The following UBE2E2 variants were observed in gnomAD, a reference collection of about 807,000 sequenced individuals.
UBE2E2 encodes the protein ubiquitin conjugating enzyme E2 E2.
Under a neutral mutation model 24.7 loss-of-function variants are expected in UBE2E2, and 6 were observed. The observed-to-expected ratio is 0.24, with a 90% CI of 0.13 to 0.48. The LOEUF (loss-of-function observed/expected upper bound fraction) is 0.48, where lower values mean the gene tolerates loss of function less well. Ranked by LOEUF, UBE2E2 falls within the 20% of genes least tolerant of loss-of-function variation. The probability of loss-of-function intolerance (pLI) is 0.99; values close to 1 mark genes in which losing one functional copy is unlikely to be tolerated. For missense variants in UBE2E2, 169 were observed against 245.0 expected (o/e 0.69, Z 2.07); for synonymous variants, 104 against 83.6 (o/e 1.24, Z -1.33).
chr3:23,562,416 A>G (rs569337372), intron 5 of UBE2E2, among the ~76,000 whole-genome samples: 1 of 152,236 alleles, frequency 6.6e-6, no homozygotes, highest in Non-Finnish European at 1.5e-5. Context: ...CCAGGAAAGA[A>G]GCCCACTTGA....
At chr3:23,444,214 G>C (rs1037736650) in intron 3 of UBE2E2, among the ~76,000 whole-genome samples, 1 of 151,936 alleles carries the variant, frequency 6.6e-6, no homozygotes, top group Non-Finnish European at 1.5e-5. Flanking sequence ...GCTGGCTATG[G>C]AAGCACCACG....
chr3:23,576,960 C>T (rs997321569), intron 5 of UBE2E2, among the ~76,000 whole-genome samples: 4 of 151,730 alleles, frequency 2.6e-5, no homozygotes, highest in African/African-American at 9.7e-5. Flanking sequence ...GTAGCAAGCC[C>T]GTGTCTGTCA....
intron 3 of UBE2E2, among the ~76,000 whole-genome samples, chr3:23,235,764 C>G (rs1056587605): frequency 6.6e-6 from 1 of 151,992 alleles, no homozygotes; most frequent in African/African-American, 2.4e-5. Context: ...GGGTTTGAGT[C>G]TGTTGGGGAA....
At chr3:23,542,052 A>G (rs1695406145) in intron 5 of UBE2E2, among the ~76,000 whole-genome samples, 1 of 152,236 alleles carries the variant, frequency 6.6e-6, no homozygotes, top group Non-Finnish European at 1.5e-5. Flanking sequence ...GGATGCCAGC[A>G]TTATATTTTT....
chr3:23,425,339 T>C (rs1697900779), intron 3 of UBE2E2, among the ~76,000 whole-genome samples: 1 of 152,190 alleles, frequency 6.6e-6, no homozygotes, highest in South Asian at 2.1e-4. Flanking sequence ...CTCTTCCTGC[T>C]CTCTTGTCTT....
chr3:23,558,667 C>T (rs1695847375), intron 5 of UBE2E2, among the ~76,000 whole-genome samples: 1 of 152,098 alleles, frequency 6.6e-6, no homozygotes. Context: ...TTGAATATGG[C>T]ATTGTTTCCT....
intron 3 of UBE2E2, among the ~76,000 whole-genome samples, chr3:23,416,173 T>C (rs963042634): frequency 6.6e-5 from 10 of 152,224 alleles, no homozygotes; most frequent in Admixed American, 2.0e-4. Context: ...GTTCCAAGTC[T>C]TTGCTATTGT....
intron 5 of UBE2E2, among the ~76,000 whole-genome samples, chr3:23,555,713 A>G (rs1054821062): frequency 2.0e-5 from 3 of 152,226 alleles, no homozygotes; most frequent in African/African-American, 7.2e-5. Flanking sequence ...AGCCTTTAAA[A>G]AGGAGATCCT....
At chr3:23,401,378 C>T (rs1196732978) in intron 3 of UBE2E2, among the ~76,000 whole-genome samples, 1 of 152,188 alleles carries the variant, frequency 6.6e-6, no homozygotes, top group Non-Finnish European at 1.5e-5. Context: ...AGCACATTAC[C>T]TTACAATCTT....
chr3:23,305,962 C>T (rs1699226102), intron 3 of UBE2E2, among the ~76,000 whole-genome samples: 1 of 152,144 alleles, frequency 6.6e-6, no homozygotes, highest in South Asian at 2.1e-4. Flanking sequence ...TGAAACTTTG[C>T]TCATTTTTCT....
intron 3 of UBE2E2, among the ~76,000 whole-genome samples, chr3:23,335,506 C>A (rs1442440080): frequency 6.6e-6 from 1 of 152,058 alleles, no homozygotes; most frequent in Non-Finnish European, 1.5e-5. Flanking sequence ...GAATTTTATG[C>A]AGTGTAATTA....
At chr3:23,440,056 A>G (rs1698267843) in intron 3 of UBE2E2, among the ~76,000 whole-genome samples, 1 of 151,908 alleles carries the variant, frequency 6.6e-6, no homozygotes, top group Admixed American at 6.6e-5. Flanking sequence ...TGGATCACGA[A>G]CGAGGTCAGG....
chr3:23,376,947 GCTT>G (rs1209650447), intron 3 of UBE2E2, among the ~76,000 whole-genome samples: 2 of 152,146 alleles, frequency 1.3e-5, no homozygotes, highest in Non-Finnish European at 2.9e-5. Flanking sequence ...AAACACTCCA[GCTT>G]CTTCTTATAG....
intron 4 of UBE2E2, 140 bp downstream of exon 4, chr3:23,499,880 A>G (rs1032751589): frequency 5.7e-6 from 6 of 1,054,988 alleles, no homozygotes; most frequent in Non-Finnish European, 6.3e-6. Context: ...AGTGTATAAA[A>G]TGAAACAATG....
chr3:23,325,085 G>C (rs1694846574), intron 3 of UBE2E2, among the ~76,000 whole-genome samples: 1 of 152,078 alleles, frequency 6.6e-6, no homozygotes, highest in African/African-American at 2.4e-5. Context: ...ACAGAATATA[G>C]GTCCTTATGT....
At chr3:23,452,679 A>G (rs1698591582) in intron 3 of UBE2E2, among the ~76,000 whole-genome samples, 1 of 152,208 alleles carries the variant, frequency 6.6e-6, no homozygotes, top group African/African-American at 2.4e-5. Context: ...GTGTTGGTCA[A>G]AGATGAGAAC....
chr3:23,317,052 G>C (rs573266179), intron 3 of UBE2E2, among the ~76,000 whole-genome samples: 1 of 152,232 alleles, frequency 6.6e-6, no homozygotes, highest in South Asian at 2.1e-4. Flanking sequence ...TTGTTGCTGT[G>C]AGCTGTGCTG....
At chr3:23,576,910 CTGT>C (rs1335431424) in intron 5 of UBE2E2, among the ~76,000 whole-genome samples, 3 of 147,148 alleles carry the variant, frequency 2.0e-5, no homozygotes, top group Non-Finnish European at 4.5e-5. Context: ...TTCACATATA[CTGT>C]TGTTATTGTT....
intron 3 of UBE2E2, among the ~76,000 whole-genome samples, chr3:23,248,967 A>G (rs1338572328): frequency 6.6e-6 from 1 of 152,194 alleles, no homozygotes; most frequent in Non-Finnish European, 1.5e-5. Flanking sequence ...TGCCTTTTGC[A>G]ACTACCTTAG....
Sources: gnomAD v4.1 joint callset for allele counts (sites outside exome capture counted in the v4.1 genomes callset) on GRCh38, gnomAD v4.1.1 for gene constraint, MANE v1.5 for transcripts, NCBI Gene and HGNC (gene_info 2026-07-23, HGNC 2026-07-21) for gene names.